APPBP2: variants seen among roughly 807,000 people sequenced by gnomAD.
APPBP2 encodes the protein amyloid beta precursor protein binding protein 2.
Under a neutral mutation model 76.0 loss-of-function variants are expected in APPBP2, and 15 were observed. The ratio of observed to expected loss-of-function variants is 0.20; its 90% CI spans 0.13 to 0.30. The LOEUF (loss-of-function observed/expected upper bound fraction) is 0.30, where lower values mean the gene tolerates loss of function less well. Among genes scored for constraint, APPBP2 ranks in the 10% least tolerant of loss-of-function variants. APPBP2 has a pLI of 1.00. For synonymous variants in APPBP2, 222 were observed against 242.2 expected (o/e 0.92, Z 0.77); for missense variants, 401 against 687.2 (o/e 0.58, Z 4.66).
At chr17:60,507,295 C>T (rs913946877) in intron 1 of APPBP2, among the ~76,000 whole-genome samples, 5 of 151,688 alleles carry the variant, frequency 3.3e-5, no homozygotes, top group Admixed American at 3.3e-4. Context: ...AATCTTGACT[C>T]ACTTCAACCT....
At chr17:60,511,567 G>C (rs374769306) in intron 1 of APPBP2, among the ~76,000 whole-genome samples, 3 of 144,812 alleles carry the variant, frequency 2.1e-5, no homozygotes, top group East Asian at 3.9e-4. Flanking sequence ...CCTGGCGACA[G>C]AGCAAGACTC....
intron 9 of APPBP2, among the ~76,000 whole-genome samples, chr17:60,457,251 G>A (rs2090437933): frequency 6.6e-6 from 1 of 152,034 alleles, no homozygotes; most frequent in African/African-American, 2.4e-5. Flanking sequence ...CAAATAGAAG[G>A]TAAGCTATTT....
Position 60,466,413 on chromosome 17 carries a change from C to A in APPBP2, c.550G>T (p.Glu184Ter), listed in dbSNP as rs772369679. 1 of 1,613,590 alleles carries A rather than the reference C, an allele frequency of 6.2e-7. No homozygotes were observed. Among genetic ancestry groups the A allele is most frequent in the Non-Finnish European group, 8.5e-7 (1 of 1,179,966 alleles). The change falls in exon 5 of 13, where the codon GAA (glutamate) becomes TAA (stop). Residue 184 changes from glutamate to a stop codon, truncating the protein, a stop_gained. Transcript: ENST00000083182. LOFTEE classifies it high-confidence loss of function. Reference sequence around the variant, plus strand: ...TATGTCTGAGCTAATTTAAATGTTTCTTCACCCAAATGATATTTGCAGTTT... The same window carrying A: ...TATGTCTGAGCTAATTTAAATGTTTATTCACCCAAATGATATTTGCAGTTT... Reference protein sequence around the residue: ...NGNCKYHLGEETFKLAQTYMD... With the variant: ...NGNCKYHLGE
In APPBP2 at chr17:60,524,060, A is replaced by G. The variant is rs184686799; in HGVS notation, c.138+1734T>C. ...TCCCAATAAGCATACAACTATTAAG[A>G]AGTAAAAGTGTACCAAAAAGGAGCA... On this transcript the variant is annotated intron_variant, in intron 1 of 12. Coordinates refer to ENST00000083182, the MANE Select transcript of APPBP2 (RefSeq NM_006380.5). Among the ~76,000 whole-genome samples the G allele has an allele frequency of 3.3e-3, 498 of 152,332 alleles. 3 individuals are homozygous for G. Among genetic ancestry groups the G allele is most frequent in the African/African-American group, 0.011 (472 of 41,584 alleles).
At chr17:60,492,215 G>A (rs2090735668) in intron 3 of APPBP2, among the ~76,000 whole-genome samples, 1 of 152,212 alleles carries the variant, frequency 6.6e-6, no homozygotes, top group Non-Finnish European at 1.5e-5. Flanking sequence ...ACTTCAGAAT[G>A]TATGGGAACG....
At chr17:60,468,964 G>C (rs1379307823) in intron 4 of APPBP2, among the ~76,000 whole-genome samples, 2 of 152,126 alleles carry the variant, frequency 1.3e-5, no homozygotes, top group Non-Finnish European at 2.9e-5. Flanking sequence ...AACATGACTA[G>C]TTAGAGCCTC....
At chr17:60,498,013 G>C (rs994517439) in intron 2 of APPBP2, among the ~76,000 whole-genome samples, 4 of 151,950 alleles carry the variant, frequency 2.6e-5, no homozygotes, top group Admixed American at 6.6e-5. Flanking sequence ...GGTGGGGCAT[G>C]CCTGTATTCC....
intron 12 of APPBP2, among the ~76,000 whole-genome samples, chr17:60,448,615 C>A (rs1163770338): frequency 6.6e-6 from 1 of 152,198 alleles, no homozygotes; most frequent in African/African-American, 2.4e-5. Context: ...TATTATGTAG[C>A]TGCAAACTGA....
chr17:60,492,517 G>A (rs934116823), intron 3 of APPBP2, among the ~76,000 whole-genome samples: 1 of 152,206 alleles, frequency 6.6e-6, no homozygotes, highest in Non-Finnish European at 1.5e-5. Flanking sequence ...AGCTGCCCAA[G>A]ACCATGGGAA....
At chr17:60,497,959 C>T (rs376993591) in intron 2 of APPBP2, among the ~76,000 whole-genome samples, 61 of 151,890 alleles carry the variant, frequency 4.0e-4, no homozygotes, top group African/African-American at 1.4e-3. Flanking sequence ...GGCAACATGG[C>T]GAAACCCCAT....
At chr17:60,496,119 G>A (rs1445093823) in intron 2 of APPBP2, among the ~76,000 whole-genome samples, 1 of 152,170 alleles carries the variant, frequency 6.6e-6, no homozygotes, top group Non-Finnish European at 1.5e-5. Flanking sequence ...GCTAGAAACT[G>A]AGGAAAAAGT....
chr17:60,490,520 T>C lies in APPBP2; in HGVS notation c.379+3946A>G, dbSNP rs188815720. 1.1e-3 allele frequency among the ~76,000 whole-genome samples: 170 copies of C among 152,208 alleles called. 1 individual carries two copies. Among genetic ancestry groups the C allele is most frequent in the Non-Finnish European group, 1.2e-3 (83 of 67,990 alleles). ...GACCTTGTCTCAACAAAAATAAAAATTAGCTGTGTATGTTGACACATGCCT... is the reference window on the plus strand; with the variant it reads ...GACCTTGTCTCAACAAAAATAAAAACTAGCTGTGTATGTTGACACATGCCT... On this transcript the variant is annotated intron_variant, in intron 3 of 12. Transcript: ENST00000083182.
chr17:60,506,141 C>A (rs978567728), intron 1 of APPBP2, among the ~76,000 whole-genome samples: 9 of 152,084 alleles, frequency 5.9e-5, no homozygotes, highest in African/African-American at 1.9e-4. Flanking sequence ...CAGGCATGCA[C>A]AACCATGCCT....
rs2090382404 is a variant in APPBP2, at chr17:60,450,187, C to CT, written c.1504+1692_1504+1693insA. 2.7e-5 allele frequency among the ~76,000 whole-genome samples: 4 copies of CT among 147,236 alleles called. 1 individual carries two copies. Among genetic ancestry groups the CT allele is most frequent in the Admixed American group, 2.7e-4 (4 of 15,038 alleles). On this transcript the variant is annotated intron_variant, in intron 12 of 12. Coordinates refer to ENST00000083182, the MANE Select transcript of APPBP2 (RefSeq NM_006380.5). ...GCGGTGGCTCATGAGGCCTGTAATCCCAGCACTCTGGGAGGCCAAGGCAGG... is the reference window on the plus strand; with the variant it reads ...GCGGTGGCTCATGAGGCCTGTAATCCTCAGCACTCTGGGAGGCCAAGGCAGG...
rs760213946 is a variant in APPBP2, at chr17:60,452,016, A to T, written c.1368T>A (p.Ile456=). ...KEAEEMHIKA[I]QIKEQLLGQE... ...GACCAAGAAGTTGTTCTTTAATCTG[A>T]ATTGCTTTGATGTGCATTTCTTCAG... Residue 456 remains isoleucine (I), a synonymous_variant, in exon 12 of 13, where the codon ATT becomes ATA. Coordinates refer to ENST00000083182, the MANE Select transcript of APPBP2 (RefSeq NM_006380.5). 1.2e-6 allele frequency: 2 copies of T among 1,613,196 alleles called. No individual in the cohort carries two copies. The highest frequency in any genetic ancestry group is 1.7e-5 in the Admixed American group (1 of 59,678).
At chr17:60,499,944 GT>G (rs2090808680) in intron 2 of APPBP2, among the ~76,000 whole-genome samples, 1 of 151,860 alleles carries the variant, frequency 6.6e-6, no homozygotes, top group African/African-American at 2.4e-5. Context: ...TGGGTAAGGA[GT>G]TTTTGTTCAG....
At chr17:60,506,773 C>T (rs1329202426) in intron 1 of APPBP2, among the ~76,000 whole-genome samples, 4 of 152,310 alleles carry the variant, frequency 2.6e-5, no homozygotes, top group South Asian at 4.1e-4. Flanking sequence ...CGCGGTGGCT[C>T]GCGCCTGTAA....
chr17:60,488,857 A>T (rs980059805), intron 3 of APPBP2, among the ~76,000 whole-genome samples: 6 of 152,224 alleles, frequency 3.9e-5, no homozygotes, highest in Non-Finnish European at 7.3e-5. Context: ...ACATTAGTCA[A>T]GATCACAAGT....
intron 8 of APPBP2, 81 bp downstream of exon 8, chr17:60,461,729 G>T: frequency 1.0e-6 from 1 of 1,000,170 alleles, no homozygotes; most frequent in South Asian, 1.7e-5. Context: ...GTCATTTTTA[G>T]AGTGGTTTAT....
Sources: gnomAD v4.1 joint callset for allele counts (sites outside exome capture counted in the v4.1 genomes callset) on GRCh38, gnomAD v4.1.1 for gene constraint, MANE v1.5 for transcripts, NCBI Gene and HGNC (gene_info 2026-07-23, HGNC 2026-07-21) for gene names.